Variants in WDR7 observed in about 807,000 individuals in gnomAD.
WDR7 encodes the protein WD repeat-containing protein 7.
In WDR7, 46 loss-of-function variants were observed where a neutral mutation model predicts 169.4. That is an observed-to-expected ratio of 0.27 (90% CI 0.21 to 0.35). The LOEUF (loss-of-function observed/expected upper bound fraction) is 0.35, where lower values mean the gene tolerates loss of function less well. Ranked by LOEUF, WDR7 falls within the 10% of genes least tolerant of loss-of-function variation. The pLI is 1.00. For synonymous variants in WDR7, 612 were observed against 666.8 expected (o/e 0.92, Z 1.27); for missense variants, 1,534 against 1,859.3 (o/e 0.83, Z 3.22).
At chr18:57,026,256 GAAAACCTAAAATTT>G (rs1171680012) in intron 27 of WDR7, among the ~76,000 whole-genome samples, 2 of 152,100 alleles carry the variant, frequency 1.3e-5, no homozygotes, top group Non-Finnish European at 2.9e-5. Context: ...GCTGGATTAA[GAAAACCTAAAATTT>G]AAATCCAGAA....
intron 20 of WDR7, among the ~76,000 whole-genome samples, chr18:56,843,419 GTC>G (rs1201311789): frequency 6.6e-6 from 1 of 152,080 alleles, no homozygotes; most frequent in Non-Finnish European, 1.5e-5. Flanking sequence ...TCTGCTTTCT[GTC>G]TCTATGAATT....
intron 9 of WDR7, among the ~76,000 whole-genome samples, chr18:56,693,516 A>G (rs1598966324): frequency 6.6e-6 from 1 of 151,370 alleles, no homozygotes; most frequent in African/African-American, 2.4e-5. Flanking sequence ...TAATTTTAAC[A>G]ATGGGGTCCT....
At chr18:56,797,508 AT>A (rs1485742339) in intron 19 of WDR7, among the ~76,000 whole-genome samples, 7 of 151,716 alleles carry the variant, frequency 4.6e-5, no homozygotes, top group East Asian at 1.9e-4. Flanking sequence ...TTTATATACC[AT>A]TTTATATTTT....
intron 21 of WDR7, among the ~76,000 whole-genome samples, chr18:56,884,096 T>G (rs1459228306): frequency 6.6e-6 from 1 of 152,216 alleles, no homozygotes; most frequent in East Asian, 1.9e-4. Flanking sequence ...CACACTGTTT[T>G]GCATAGTGGT....
intron 20 of WDR7, among the ~76,000 whole-genome samples, chr18:56,877,813 G>A (rs1329161938): frequency 6.6e-6 from 1 of 152,116 alleles, no homozygotes; most frequent in Non-Finnish European, 1.5e-5. Flanking sequence ...GAATTGTGGT[G>A]ACCTTTAGGG....
rs567186200 is a variant in WDR7 at position 56,736,391 on chromosome 18, T to A, written c.1989+4794T>A. On this transcript the variant is annotated intron_variant, in intron 14 of 27. Coordinates refer to ENST00000254442, the MANE Select transcript of WDR7 (RefSeq NM_015285.3). ...AGAATTACAAGATAGAAATTGAGAG[T>A]TGTTTGTAAAGTTTTCCTTTAAGAA... 2.6e-5 allele frequency among the ~76,000 whole-genome samples: 4 copies of A among 151,826 alleles called. No individual in the cohort carries two copies. In the South Asian group the frequency reaches 6.2e-4, roughly 24 times the overall value.
At chr18:56,776,475 G>A (rs530577288) in intron 16 of WDR7, among the ~76,000 whole-genome samples, 2 of 152,110 alleles carry the variant, frequency 1.3e-5, no homozygotes, top group South Asian at 2.1e-4. Context: ...AATTTTTACT[G>A]TCATTTTTTC....
At chr18:56,719,757 A>G (rs1037937533) in intron 13 of WDR7, among the ~76,000 whole-genome samples, 2 of 152,128 alleles carry the variant, frequency 1.3e-5, no homozygotes, top group African/African-American at 4.8e-5. Context: ...ACTAGCTAGG[A>G]TGGACTCCTA....
intron 20 of WDR7, among the ~76,000 whole-genome samples, chr18:56,876,288 A>G (rs890550000): frequency 6.6e-6 from 1 of 152,198 alleles, no homozygotes; most frequent in Non-Finnish European, 1.5e-5. Flanking sequence ...GAAAGCGGCC[A>G]GAAAAACTGG....
intron 19 of WDR7, among the ~76,000 whole-genome samples, chr18:56,795,919 CACAATT>C (rs540050288): frequency 1.1e-4 from 17 of 152,024 alleles, no homozygotes; most frequent in Non-Finnish European, 2.1e-4. Context: ...ATTTTAGTTG[CACAATT>C]ATATTAGCTA....
At position 56,809,441 on chromosome 18, in the gene WDR7, G is replaced by A. The variant is rs150198370; in HGVS notation, c.3191-6590G>A. Among the ~76,000 whole-genome samples the A allele has an allele frequency of 8.3e-3, 1,256 of 152,162 alleles. 19 individuals carry two copies. The highest frequency in any genetic ancestry group is 0.026 in the African/African-American group (1,089 of 41,526). ...GAAATACTCAGAAAGTAAGTAAACC[G>A]TAGCTTGTGTGGTATAATTTGACAA... On this transcript the variant is annotated intron_variant, in intron 19 of 27. Transcript: ENST00000254442.
intron 26 of WDR7, among the ~76,000 whole-genome samples, chr18:57,011,627 A>T (rs1383300716): frequency 6.6e-6 from 1 of 152,244 alleles, no homozygotes; most frequent in African/African-American, 2.4e-5. Context: ...CATAATGTGA[A>T]TAAAAAGCAT....
chr18:56,922,118 T>C (rs1481785199), intron 21 of WDR7, among the ~76,000 whole-genome samples: 1 of 152,174 alleles, frequency 6.6e-6, no homozygotes, highest in African/African-American at 2.4e-5. Context: ...CTGTAGCTCT[T>C]ATGACTTCCA....
intron 19 of WDR7, among the ~76,000 whole-genome samples, chr18:56,792,298 T>C (rs2044501361): frequency 6.6e-6 from 1 of 152,170 alleles, no homozygotes; most frequent in Non-Finnish European, 1.5e-5. Context: ...ATTACAGACA[T>C]GAGCCACTGT....
At chr18:56,850,637 G>A (rs1232652123) in intron 20 of WDR7, among the ~76,000 whole-genome samples, 1 of 152,100 alleles carries the variant, frequency 6.6e-6, no homozygotes, top group Non-Finnish European at 1.5e-5. Flanking sequence ...AGCCTCCTGA[G>A]TAGCTGGCAC....
chr18:57,031,637 G>A (rs926093860), downstream of WDR7: 3 of 152,122 alleles, frequency 2.0e-5, no homozygotes, highest in Admixed American at 6.5e-5. Flanking sequence ...AATAAATCCC[G>A]TTCTATTCTG....
At chr18:56,892,864 G>A (rs1357894846) in intron 21 of WDR7, among the ~76,000 whole-genome samples, 1 of 151,954 alleles carries the variant, frequency 6.6e-6, no homozygotes, top group African/African-American at 2.4e-5. Flanking sequence ...GTTTAGTTTA[G>A]ATGAGATTAC....
chr18:56,925,526 T>C (rs1225810591), intron 22 of WDR7, among the ~76,000 whole-genome samples: 2 of 152,216 alleles, frequency 1.3e-5, no homozygotes, highest in African/African-American at 4.8e-5. Context: ...TTACCACCAC[T>C]TGGATTTTCT....
At chr18:56,993,163 C>T (rs1439602500) in intron 26 of WDR7, among the ~76,000 whole-genome samples, 1 of 152,120 alleles carries the variant, frequency 6.6e-6, no homozygotes, top group African/African-American at 2.4e-5. Flanking sequence ...ATAAATTGGT[C>T]TCCTTAGAAG....
Sources: gnomAD v4.1 joint callset for allele counts (sites outside exome capture counted in the v4.1 genomes callset) on GRCh38, gnomAD v4.1.1 for gene constraint, MANE v1.5 for transcripts, NCBI Gene and HGNC (gene_info 2026-07-23, HGNC 2026-07-21) for gene names.